The following CTIF variants were observed in gnomAD, a reference collection of about 807,000 sequenced individuals.
CTIF encodes cap binding complex dependent translation initiation factor.
In CTIF, 21 loss-of-function variants were observed where a neutral mutation model predicts 66.0. That is an observed-to-expected ratio of 0.32 (90% CI 0.23 to 0.46). The LOEUF is 0.46. Ranked by LOEUF, CTIF falls within the 20% of genes least tolerant of loss-of-function variation. The probability of loss-of-function intolerance (pLI) is 1.00; values close to 1 mark genes in which losing one functional copy is unlikely to be tolerated. For synonymous variants in CTIF, 345 were observed against 326.4 expected (o/e 1.06, Z -0.62); for missense variants, 739 against 812.7 (o/e 0.91, Z 1.10).
rs769709404 is a variant in CTIF, at chr18:48,859,530, A to G, written c.1768A>G (p.Asn590Asp). The G allele has an allele frequency of 6.2e-7, 1 of 1,614,004 alleles. No homozygotes were observed. The highest frequency in any genetic ancestry group is 1.1e-5 in the South Asian group (1 of 91,080). ...PLTPPITQYY[N>D]RTIQKLTA Reference sequence around the variant, plus strand: ...GACGCCCCCCATCACGCAGTACTACAACAGAACCATCCAGAAACTGACAGC... The same window carrying G: ...GACGCCCCCCATCACGCAGTACTACGACAGAACCATCCAGAAACTGACAGC... Residue 590 changes from asparagine to aspartate, a missense_variant, in exon 12 of 12, where the codon AAC becomes GAC. Asn to Asp is a conservative substitution (Grantham distance 23, BLOSUM62 1). Coordinates refer to ENST00000256413, the MANE Select transcript of CTIF (RefSeq NM_014772.3).
At chr18:48,642,340 GT>G (rs1166929633) in intron 3 of CTIF, among the ~76,000 whole-genome samples, 3 of 152,238 alleles carry the variant, frequency 2.0e-5, no homozygotes, top group African/African-American at 7.2e-5. Context: ...GTAGGGAGGT[GT>G]CTTGCAGGAC....
intron 9 of CTIF, among the ~76,000 whole-genome samples, chr18:48,779,360 G>A (rs924155327): frequency 6.6e-6 from 1 of 152,162 alleles, no homozygotes; most frequent in Non-Finnish European, 1.5e-5. Context: ...AGCTTAGGAG[G>A]TATACGTCAA....
intron 2 of CTIF, among the ~76,000 whole-genome samples, chr18:48,636,235 C>T (rs1189376655): frequency 2.6e-5 from 4 of 152,236 alleles, no homozygotes; most frequent in Non-Finnish European, 5.9e-5. Flanking sequence ...TCTCTGGCCA[C>T]ACCCGTGATG....
At position 48,697,441 on chromosome 18, in the gene CTIF, A is replaced by G. The variant is rs150275251; in HGVS notation, c.508-14178A>G. Among the ~76,000 whole-genome samples the G allele has an allele frequency of 6.0e-4, 91 of 152,332 alleles. 1 individual carries two copies. The highest frequency in any genetic ancestry group is 6.2e-4 in the Non-Finnish European group (42 of 68,028). On this transcript the variant is annotated intron_variant, in intron 6 of 11. Transcript: ENST00000256413. ...GGGATCAGCTTTGCATGGCAGGGGC[A>G]TTTGTGCTAATGGTAAAAGCTGACA...
chr18:48,581,858 A>C (rs754543725), intron 1 of CTIF, among the ~76,000 whole-genome samples: 8 of 152,108 alleles, frequency 5.3e-5, no homozygotes, highest in Non-Finnish European at 1.0e-4. Flanking sequence ...AGTGTGATTA[A>C]GTGGCAAAGG....
chr18:48,581,379 T>C (rs1278068095), intron 1 of CTIF, among the ~76,000 whole-genome samples: 1 of 152,232 alleles, frequency 6.6e-6, no homozygotes, highest in Non-Finnish European at 1.5e-5. Flanking sequence ...GGCTGTGTTT[T>C]GGCTCTGCCC....
At chr18:48,689,763 G>T (rs897677504) in intron 6 of CTIF, among the ~76,000 whole-genome samples, 1 of 152,142 alleles carries the variant, frequency 6.6e-6, no homozygotes, top group Non-Finnish European at 1.5e-5. Flanking sequence ...TCCAGGAGGG[G>T]CTAAGTGCAA....
chr18:48,707,879 C>T (rs2092178317), intron 6 of CTIF, among the ~76,000 whole-genome samples: 1 of 152,128 alleles, frequency 6.6e-6, no homozygotes, highest in African/African-American at 2.4e-5. Flanking sequence ...TTCATTCTTC[C>T]CCTTCCCAGC....
At chr18:48,558,427 G>T (rs2145592784) in intron 1 of CTIF, among the ~76,000 whole-genome samples, 1 of 152,338 alleles carries the variant, frequency 6.6e-6, no homozygotes, top group East Asian at 1.9e-4. Flanking sequence ...GCATGAACTA[G>T]TTTGGGTTGG....
At chr18:48,642,816 G>A (rs2090959432) in intron 3 of CTIF, among the ~76,000 whole-genome samples, 1 of 152,162 alleles carries the variant, frequency 6.6e-6, no homozygotes, top group African/African-American at 2.4e-5. Context: ...CAGCTTGGTG[G>A]GGCAGTTCCG....
At chr18:48,682,167 T>C (rs368171779) in intron 6 of CTIF, among the ~76,000 whole-genome samples, 1 of 152,276 alleles carries the variant, frequency 6.6e-6, no homozygotes, top group Admixed American at 6.5e-5. Flanking sequence ...TCCAATGCGT[T>C]AGTTTATTGA....
At chr18:48,843,372 A>G (rs1381525889) in intron 10 of CTIF, among the ~76,000 whole-genome samples, 1 of 151,972 alleles carries the variant, frequency 6.6e-6, no homozygotes, top group Non-Finnish European at 1.5e-5. Flanking sequence ...CCATAACTCC[A>G]TCCTGTTCCC....
chr18:48,719,569 G>T (rs751462534), intron 7 of CTIF, among the ~76,000 whole-genome samples: 1 of 152,064 alleles, frequency 6.6e-6, no homozygotes, highest in African/African-American at 2.4e-5. Flanking sequence ...TTGTAACACC[G>T]CACTCAATAC....
rs189053978 is a variant in CTIF, at chr18:48,630,553, A to G, written c.181-6061A>G. ...TCCCTCAATTCAAAACACAATCCTT[A>G]CCTATATGAGGTTCCCATTTGTACA... is the stretch of plus-strand genomic sequence containing the variant. On this transcript the variant is annotated intron_variant, in intron 2 of 11. Transcript: ENST00000256413. Among the ~76,000 whole-genome samples, 135 of 151,702 alleles carry G rather than the reference A, an allele frequency of 8.9e-4. 3 individuals are homozygous for G. Among genetic ancestry groups the G allele is most frequent in the African/African-American group, 3.2e-3 (131 of 41,312 alleles).
At chr18:48,833,768 C>G (rs770803157) in intron 10 of CTIF, among the ~76,000 whole-genome samples, 3 of 152,208 alleles carry the variant, frequency 2.0e-5, no homozygotes, top group East Asian at 3.8e-4. Context: ...ACCCCCGAAG[C>G]CTGGCCTCTG....
chr18:48,658,593 A>ATGTG (rs561791927), intron 3 of CTIF, among the ~76,000 whole-genome samples: 3 of 151,914 alleles, frequency 2.0e-5, no homozygotes, highest in Non-Finnish European at 4.4e-5. Flanking sequence ...CATACCATGC[A>ATGTG]TGTGTGTGTA....
rs539349023 is a variant in CTIF at position 48,678,455 on chromosome 18, C to T, written c.507+7711C>T. On this transcript the variant is annotated intron_variant, in intron 6 of 11. Transcript: ENST00000256413. ...CTTCCTCCCTCAGGACAAAAATAGGCGCCCATACAATAAATGGGGCCAGAA... is the reference window on the plus strand; with the variant it reads ...CTTCCTCCCTCAGGACAAAAATAGGTGCCCATACAATAAATGGGGCCAGAA... Among the ~76,000 whole-genome samples, 31 of 152,070 alleles carry T rather than the reference C, an allele frequency of 2.0e-4. No individual in the cohort carries two copies. The South Asian group carries it at 2.7e-3, about 13-fold the overall frequency.
chr18:48,541,077 T>TC (rs1180620622), intron 1 of CTIF, among the ~76,000 whole-genome samples: 1 of 152,070 alleles, frequency 6.6e-6, no homozygotes, highest in Non-Finnish European at 1.5e-5. Flanking sequence ...CACGCTGGGG[T>TC]GACCCCGCAC....
chr18:48,632,440 C>T (rs1284918743), intron 2 of CTIF, among the ~76,000 whole-genome samples: 1 of 152,182 alleles, frequency 6.6e-6, no homozygotes, highest in Non-Finnish European at 1.5e-5. Flanking sequence ...TTCTTGTGCA[C>T]AGATCACCCG....
Sources: gnomAD v4.1 joint callset for allele counts (sites outside exome capture counted in the v4.1 genomes callset) on GRCh38, gnomAD v4.1.1 for gene constraint, MANE v1.5 for transcripts, NCBI Gene and HGNC (gene_info 2026-07-23, HGNC 2026-07-21) for gene names.